The following MBNL1 variants were observed in gnomAD, a reference collection of about 807,000 sequenced individuals.
MBNL1 encodes the protein muscleblind like splicing regulator 1, also known as muscleblind-like protein 1.
Under a neutral mutation model 42.2 loss-of-function variants are expected in MBNL1, and 8 were observed. The ratio of observed to expected loss-of-function variants is 0.19; its 90% CI spans 0.11 to 0.34. The LOEUF is 0.34. Among genes scored for constraint, MBNL1 ranks in the 10% least tolerant of loss-of-function variants. The probability of loss-of-function intolerance (pLI) is 1.00; values close to 1 mark genes in which losing one functional copy is unlikely to be tolerated. For missense variants in MBNL1, 309 were observed against 495.3 expected (o/e 0.62, Z 3.57); for synonymous variants, 169 against 173.9 (o/e 0.97, Z 0.22).
intron 2 of MBNL1, among the ~76,000 whole-genome samples, chr3:152,365,118 A>G (rs1392545379): frequency 1.3e-5 from 2 of 152,130 alleles, no homozygotes; most frequent in Non-Finnish European, 2.9e-5. Context: ...TATGCTACAG[A>G]TTTGAAATAG....
At chr3:152,369,831 G>C (rs1272953763) in intron 2 of MBNL1, among the ~76,000 whole-genome samples, 2 of 152,140 alleles carry the variant, frequency 1.3e-5, no homozygotes, top group Non-Finnish European at 2.9e-5. Context: ...ATTGTAAACT[G>C]TATTTCTTTG....
chr3:152,367,759 T>C (rs2096474410), intron 2 of MBNL1, among the ~76,000 whole-genome samples: 1 of 152,210 alleles, frequency 6.6e-6, no homozygotes, highest in Non-Finnish European at 1.5e-5. Flanking sequence ...TGGTTTTGAT[T>C]TGCATTTCTC....
intron 2 of MBNL1, among the ~76,000 whole-genome samples, chr3:152,326,564 G>A (rs2080235043): frequency 6.6e-6 from 1 of 151,902 alleles, no homozygotes; most frequent in Non-Finnish European, 1.5e-5. Context: ...AATTTCTGCT[G>A]CGTTTATTAT....
chr3:152,434,781 A>G (rs527798651), intron 4 of MBNL1, among the ~76,000 whole-genome samples: 55 of 152,058 alleles, frequency 3.6e-4, no homozygotes, highest in Admixed American at 7.2e-4. Flanking sequence ...TTTGATTTGC[A>G]TTTCTCTAAT....
intron 2 of MBNL1, among the ~76,000 whole-genome samples, chr3:152,252,961 C>T (rs1189335418): frequency 2.6e-5 from 4 of 151,966 alleles, no homozygotes; most frequent in South Asian, 2.1e-4. Flanking sequence ...TGGTTGGTGT[C>T]GAAAGATTCA....
intron 1 of MBNL1, among the ~76,000 whole-genome samples, chr3:152,274,729 A>G (rs1289828003): frequency 6.6e-6 from 1 of 152,080 alleles, no homozygotes; most frequent in African/African-American, 2.4e-5. Context: ...TATTTCTTTT[A>G]TCTAGGAGAA....
At chr3:152,367,654 AAGTGT>A (rs1226309651) in intron 2 of MBNL1, among the ~76,000 whole-genome samples, 3 of 152,212 alleles carry the variant, frequency 2.0e-5, no homozygotes, top group Non-Finnish European at 4.4e-5. Context: ...AACAGTGTAA[AAGTGT>A]TCCTGTTTCT....
intron 9 of MBNL1, among the ~76,000 whole-genome samples, chr3:152,462,086 G>T (rs1747148291): frequency 6.6e-6 from 1 of 151,996 alleles, no homozygotes; most frequent in African/African-American, 2.4e-5. Context: ...TGCTAAAAAA[G>T]AGCTCTGTAT....
At chr3:152,373,363 A>C (rs898467912) in intron 2 of MBNL1, among the ~76,000 whole-genome samples, 28 of 151,654 alleles carry the variant, frequency 1.8e-4, no homozygotes, top group African/African-American at 6.5e-4. Context: ...AAAAAAAAAA[A>C]AACCTTCTGC....
upstream of MBNL1, chr3:152,268,496 C>A: frequency 3.0e-6 from 1 of 330,682 alleles, no homozygotes; most frequent in South Asian, 2.2e-5. Flanking sequence ...AAGCCCGGTG[C>A]AAGGGCCTCT....
intron 2 of MBNL1, among the ~76,000 whole-genome samples, chr3:152,392,861 G>C (rs540076569): frequency 6.6e-6 from 1 of 152,314 alleles, no homozygotes; most frequent in African/African-American, 2.4e-5. Flanking sequence ...TTCCTGAGAA[G>C]TATTCTGAGT....
At chr3:152,254,749 A>T (rs1395830575) in intron 2 of MBNL1, among the ~76,000 whole-genome samples, 1 of 152,174 alleles carries the variant, frequency 6.6e-6, no homozygotes, top group Non-Finnish European at 1.5e-5. Context: ...CAAAGTTAGT[A>T]ACAATAATAG....
chr3:152,252,822 A>C (rs976836986), intron 2 of MBNL1, among the ~76,000 whole-genome samples: 1 of 152,104 alleles, frequency 6.6e-6, no homozygotes, highest in Non-Finnish European at 1.5e-5. Flanking sequence ...AGTCTATAAG[A>C]GCTAAAAAAA....
intron 3 of MBNL1, among the ~76,000 whole-genome samples, chr3:152,431,672 C>T (rs1380621390): frequency 6.6e-6 from 1 of 152,066 alleles, no homozygotes; most frequent in Non-Finnish European, 1.5e-5. Flanking sequence ...GAACAGCATC[C>T]GTTTTGCCTA....
chr3:152,398,548 G>A (rs1401785882), intron 2 of MBNL1, among the ~76,000 whole-genome samples: 1 of 152,084 alleles, frequency 6.6e-6, no homozygotes, highest in Admixed American at 6.6e-5. Context: ...GAGTAAAGTG[G>A]GAGATTATGA....
chr3:152,297,544 C>G (rs962464267), intron 1 of MBNL1, among the ~76,000 whole-genome samples: 3 of 151,804 alleles, frequency 2.0e-5, no homozygotes, highest in African/African-American at 7.3e-5. Flanking sequence ...TTTTTAGAGA[C>G]AGGGTTTTGC....
At chr3:152,458,505 T>C in intron 8 of MBNL1, 1 of 297,728 alleles carries the variant, frequency 3.4e-6, no homozygotes, top group Non-Finnish European at 6.5e-6. Context: ...AGCCAGTAAA[T>C]GGATCTCTGG....
At chr3:152,344,808 GA>G (rs148257259) in intron 2 of MBNL1, among the ~76,000 whole-genome samples, 1,665 of 152,170 alleles carry the variant, frequency 0.011, 22 homozygotes, top group African/African-American at 0.038. Flanking sequence ...ATTATTTTCA[GA>G]TGTGCCTGTA....
chr3:152,264,719 CT>C (rs2036898486), upstream of MBNL1: 1 of 152,124 alleles, frequency 6.6e-6, no homozygotes, highest in Non-Finnish European at 1.5e-5. Flanking sequence ...CTTACTGTCT[CT>C]CTATTGCCAG....
Sources: gnomAD v4.1 joint callset for allele counts (sites outside exome capture counted in the v4.1 genomes callset) on GRCh38, gnomAD v4.1.1 for gene constraint, MANE v1.5 for transcripts, NCBI Gene and HGNC (gene_info 2026-07-23, HGNC 2026-07-21) for gene names.